C13orf42: variants seen among roughly 807,000 people sequenced by gnomAD.
C13orf42 encodes uncharacterized protein C13orf42.
At chr13:51,163,697 T>G (rs1016025836) in intron 1 of C13orf42, among the ~76,000 whole-genome samples, 2 of 152,058 alleles carry the variant, frequency 1.3e-5, no homozygotes, top group African/African-American at 4.8e-5. Flanking sequence ...GGAGTGAATC[T>G]CCAGGCTGGC....
At chr13:51,153,688 G>A (rs1280267877) in intron 1 of C13orf42, among the ~76,000 whole-genome samples, 1 of 125,874 alleles carries the variant, frequency 7.9e-6, no homozygotes, top group Non-Finnish European at 1.6e-5. Flanking sequence ...CGCCCAGGCT[G>A]GAATGCAGTG....
At chr13:51,085,647 A>G (rs946075291) in intron 2 of C13orf42, 88 bp from the exon 3 acceptor site, 2 of 397,464 alleles carry the variant, frequency 5.0e-6, no homozygotes, top group Admixed American at 8.8e-5. Context: ...TGGACTGAAC[A>G]CTCACAGGAA....
chr13:51,115,378 C>A (rs1351046698), upstream of C13orf42, among the ~76,000 whole-genome samples: 1 of 152,304 alleles, frequency 6.6e-6, no homozygotes, highest in South Asian at 2.1e-4. Flanking sequence ...TGACCAGGCA[C>A]CCTGTCCCTT....
chr13:51,152,274 T>A (rs1392013641), intron 1 of C13orf42, among the ~76,000 whole-genome samples: 1 of 152,244 alleles, frequency 6.6e-6, no homozygotes, highest in Non-Finnish European at 1.5e-5. Flanking sequence ...ACCATCAGGC[T>A]GTACGTCTCC....
intron 1 of C13orf42, among the ~76,000 whole-genome samples, chr13:51,167,008 G>A (rs9563029): frequency 0.15 from 22,422 of 151,814 alleles, 1,997 homozygotes; most frequent in East Asian, 0.26. Flanking sequence ...GAACCTGGGA[G>A]ACAGAGGTTG....
chr13:51,099,357 C>A (rs1953264162), intron 1 of C13orf42, among the ~76,000 whole-genome samples: 1 of 152,156 alleles, frequency 6.6e-6, no homozygotes, highest in East Asian at 1.9e-4. Context: ...TAGCCACATA[C>A]AAATTTTCAA....
chr13:51,152,801 T>C (rs1593554116), intron 1 of C13orf42, among the ~76,000 whole-genome samples: 1 of 152,186 alleles, frequency 6.6e-6, no homozygotes, highest in East Asian at 1.9e-4. Context: ...GCCCTAGTCC[T>C]GGGAAATCCA....
Position 51,142,231 on chromosome 13 carries a change from C to A in C13orf42, n.137-29009G>T, listed in dbSNP as rs552542203. 2.6e-5 allele frequency among the ~76,000 whole-genome samples: 4 copies of A among 152,308 alleles called. No homozygotes were observed. The South Asian group carries it at 8.3e-4, about 32-fold the overall frequency. The stretch of plus-strand genomic sequence containing the variant: ...TTGTTTTGGGAAAGAACTGTTATCA[C>A]CTTTGTGTCAAAGCTAAACTATAAA... On this transcript the variant is annotated intron_variant and non_coding_transcript_variant, in intron 1 of 4. Coordinates refer to the C13orf42 transcript ENST00000433280.
chr13:51,127,733 A>T (rs1953587754), intron 1 of C13orf42, among the ~76,000 whole-genome samples: 1 of 152,228 alleles, frequency 6.6e-6, no homozygotes, highest in Admixed American at 6.5e-5. Context: ...AACTATACGT[A>T]TTGAAAACAT....
Position 51,084,254 on chromosome 13 carries a change from G to A in C13orf42, c.875C>T (p.Ala292Val), listed in dbSNP as rs749239908. The A allele has an allele frequency of 1.0e-4, 41 of 398,708 alleles. No individual in the cohort carries two copies. The Middle Eastern group carries it at 1.9e-3, about 18-fold the overall frequency. The allele number at this position is 398,708 out of a possible 1,614,324, so 24.7% of individuals were successfully genotyped here. ...CCCAGGAGACAACTGGGGCTCCAAC[G>A]CAAAGAGCTCTGCATCCCACTCCAT... ...EDMEWDAELF[A>V]LEPQLSPGED... The change falls in exon 4 of 4, where the codon GCG (alanine) becomes GTG (valine). Residue 292 changes from alanine (A) to valine (V), a missense_variant. Transcript: ENST00000563710.
chr13:51,128,042 C>T (rs1953589525), intron 1 of C13orf42, among the ~76,000 whole-genome samples: 2 of 152,200 alleles, frequency 1.3e-5, no homozygotes, highest in South Asian at 2.1e-4. Flanking sequence ...CACCTCTGGT[C>T]GTCCTCACTG....
intron 1 of C13orf42, among the ~76,000 whole-genome samples, chr13:51,094,402 T>A (rs550495529): frequency 6.6e-6 from 1 of 152,342 alleles, no homozygotes; most frequent in South Asian, 2.1e-4. Context: ...AACGGTGTGT[T>A]CACGGTTCCT....
intron 1 of C13orf42, among the ~76,000 whole-genome samples, chr13:51,123,460 A>G (rs1169621355): frequency 2.6e-5 from 4 of 152,176 alleles, no homozygotes; most frequent in Non-Finnish European, 5.9e-5. Flanking sequence ...TGTGGACCAA[A>G]GCAAGTCATA....
intron 1 of C13orf42, among the ~76,000 whole-genome samples, chr13:51,162,719 T>C (rs932807): frequency 0.21 from 32,276 of 152,120 alleles, 4,065 homozygotes; most frequent in Admixed American, 0.3. Flanking sequence ...TAAATGCAAC[T>C]GGGCTGTGAG....
At chr13:51,119,943 G>A (rs138254203) in intron 1 of C13orf42, among the ~76,000 whole-genome samples, 197 of 151,522 alleles carry the variant, frequency 1.3e-3, no homozygotes, top group Middle Eastern at 3.4e-3. Flanking sequence ...AGGAACTCCC[G>A]ACTCAAAGAG....
chr13:51,156,620 A>G (rs1244596281), intron 1 of C13orf42, among the ~76,000 whole-genome samples: 1 of 152,244 alleles, frequency 6.6e-6, no homozygotes, highest in Admixed American at 6.5e-5. Flanking sequence ...CTATTGATTC[A>G]GTGATAAAAT....
intron 1 of C13orf42, among the ~76,000 whole-genome samples, chr13:51,151,707 C>G (rs1158920256): frequency 6.6e-6 from 1 of 152,224 alleles, no homozygotes; most frequent in Non-Finnish European, 1.5e-5. Flanking sequence ...ACTAAACATG[C>G]ATGTACCAAG....
chr13:51,170,618 T>C (rs1953941041), intron 1 of C13orf42, among the ~76,000 whole-genome samples: 1 of 152,292 alleles, frequency 6.6e-6, no homozygotes, highest in South Asian at 2.1e-4. Context: ...GTTTTATCCA[T>C]GAACCCAAAA....
intron 1 of C13orf42, among the ~76,000 whole-genome samples, chr13:51,135,584 C>T (rs1412581984): frequency 1.3e-5 from 2 of 151,636 alleles, no homozygotes; most frequent in African/African-American, 2.4e-5. Context: ...GCCCAGGAAT[C>T]CGAGGCTGCA....
Sources: allele counts gnomAD v4.1 joint callset (sites outside exome capture counted in the v4.1 genomes callset), GRCh38; gene constraint gnomAD v4.1.1; transcripts MANE v1.5; gene names NCBI Gene and HGNC (gene_info 2026-07-23, HGNC 2026-07-21).